SAMHD1: variants seen among roughly 807,000 people sequenced by gnomAD.
SAMHD1 encodes the protein deoxynucleoside triphosphate triphosphohydrolase SAMHD1.
A neutral mutation model predicts 79.6 loss-of-function variants in SAMHD1; 54 were observed. That is an observed-to-expected ratio of 0.68 (90% confidence interval 0.55 to 0.85). SAMHD1 has a LOEUF of 0.85. SAMHD1 is among the 40% of genes least tolerant of loss of function. The probability of loss-of-function intolerance (pLI) is 0.00; values close to 1 mark genes in which losing one functional copy is unlikely to be tolerated. For missense variants in SAMHD1, 663 were observed against 782.7 expected (o/e 0.85, Z 1.82); for synonymous variants, 260 against 264.1 (o/e 0.98, Z 0.15).
At chr20:36,921,392 CAAAAAA>C (rs34384942) in intron 6 of SAMHD1, among the ~76,000 whole-genome samples, 1 of 55,090 alleles carries the variant, frequency 1.8e-5, no homozygotes, top group African/African-American at 7.4e-5. Flanking sequence ...GACTCTGTCT[CAAAAAA>C]AAAAAAAAAA....
chr20:36,912,768 T>TA (rs2063449661), intron 9 of SAMHD1, among the ~76,000 whole-genome samples: 1 of 148,284 alleles, frequency 6.7e-6, no homozygotes, highest in African/African-American at 2.5e-5. Context: ...TTTTTTTTTT[T>TA]TTTTTTTTTA....
At chr20:36,898,910 C>CAA (rs57902699) in intron 13 of SAMHD1, among the ~76,000 whole-genome samples, 19 of 69,344 alleles carry the variant, frequency 2.7e-4, no homozygotes, top group East Asian at 6.3e-4. Flanking sequence ...GACTCTGACT[C>CAA]AAAAAAAAAA....
intron 9 of SAMHD1, among the ~76,000 whole-genome samples, chr20:36,916,022 A>C (rs1027499421): frequency 6.6e-6 from 1 of 151,970 alleles, no homozygotes; most frequent in African/African-American, 2.4e-5. Context: ...TTAGCCGGGC[A>C]TAGTGGCGAG....
chr20:36,945,984 G>A (rs773475087), intron 2 of SAMHD1, among the ~76,000 whole-genome samples: 1 of 151,018 alleles, frequency 6.6e-6, no homozygotes, highest in African/African-American at 2.4e-5. Context: ...TTTGTACAGC[G>A]AAAACAAACA....
At position 36,920,118 on chromosome 20, in the gene SAMHD1, T is replaced by A. The variant is rs78562867; in HGVS notation, c.697-599A>T. 4.0e-4 allele frequency among the ~76,000 whole-genome samples: 61 copies of A among 152,178 alleles called. No individual in the cohort carries two copies. The East Asian group carries it at 0.011, about 28-fold the overall frequency. On this transcript the variant is annotated intron_variant, in intron 6 of 15. Transcript: ENST00000646673. The stretch of plus-strand genomic sequence containing the variant: ...AAACCTGAATTATCCTATAACTATA[T>A]TTTTTTAAAAAAAGAGACAGGGAAT...
chr20:36,946,326 T>A (rs2063686121), intron 2 of SAMHD1: 1 of 162,690 alleles, frequency 6.1e-6, no homozygotes, highest in African/African-American at 2.5e-5. Flanking sequence ...GGCAGGAGAA[T>A]GGCATGAACC....
At chr20:36,912,098 A>G (rs1357776590) in intron 10 of SAMHD1, 1 of 246,570 alleles carries the variant, frequency 4.1e-6, no homozygotes, top group Non-Finnish European at 8.0e-6. Flanking sequence ...CATTAATCTC[A>G]GAATTTAAAT....
chr20:36,942,734 C>T (rs540820744), intron 2 of SAMHD1, among the ~76,000 whole-genome samples: 12 of 152,066 alleles, frequency 7.9e-5, no homozygotes, highest in African/African-American at 2.9e-4. Flanking sequence ...GCAAGCTCCA[C>T]CTCCCGGGTT....
intron 6 of SAMHD1, among the ~76,000 whole-genome samples, chr20:36,926,380 T>C (rs886952048): frequency 6.6e-6 from 1 of 152,128 alleles, no homozygotes; most frequent in Non-Finnish European, 1.5e-5. Context: ...AACAACAAAA[T>C]TCATTTATGT....
At chr20:36,899,257 T>TAAAAAAAAAAAA (rs34443478) in intron 13 of SAMHD1, among the ~76,000 whole-genome samples, 1 of 108,612 alleles carries the variant, frequency 9.2e-6, no homozygotes. Context: ...CCAAAAATAC[T>TAAAAAAAAAAAA]AAAAAAAAAA....
intron 6 of SAMHD1, among the ~76,000 whole-genome samples, chr20:36,920,835 A>AT (rs1428368359): frequency 6.6e-6 from 1 of 151,864 alleles, no homozygotes; most frequent in East Asian, 1.9e-4. Flanking sequence ...TAATCCTAGC[A>AT]TTTTTTTGAG....
chr20:36,923,250 T>G (rs1405572217), intron 6 of SAMHD1, among the ~76,000 whole-genome samples: 1 of 151,946 alleles, frequency 6.6e-6, no homozygotes, highest in Non-Finnish European at 1.5e-5. Flanking sequence ...CCGCCCACCT[T>G]GGCCTCCCAA....
intron 1 of SAMHD1, among the ~76,000 whole-genome samples, chr20:36,950,330 G>GA (rs796220512): frequency 8.5e-4 from 118 of 139,574 alleles, no homozygotes; most frequent in East Asian, 3.1e-3. Context: ...AAAGGGGGAA[G>GA]AAAAAAAAAA....
chr20:36,925,934 C>G (rs977175003), intron 6 of SAMHD1, among the ~76,000 whole-genome samples: 2 of 152,126 alleles, frequency 1.3e-5, no homozygotes, highest in Non-Finnish European at 2.9e-5. Flanking sequence ...AAATACATAT[C>G]TACCATATGA....
intron 9 of SAMHD1, chr20:36,916,504 A>C (rs1439898208): frequency 2.1e-6 from 1 of 483,424 alleles, no homozygotes; most frequent in Non-Finnish European, 3.7e-6. Flanking sequence ...AAAAAACCCC[A>C]AAACCAGTGT....
At chr20:36,928,261 C>A (rs1896505002) in intron 5 of SAMHD1, among the ~76,000 whole-genome samples, 1 of 151,962 alleles carries the variant, frequency 6.6e-6, no homozygotes, top group South Asian at 2.1e-4. Context: ...TGGTGGCGGG[C>A]ACCTGTAGTC....
intron 5 of SAMHD1, among the ~76,000 whole-genome samples, chr20:36,929,675 T>C (rs890073134): frequency 1.3e-5 from 2 of 151,994 alleles, no homozygotes; most frequent in African/African-American, 4.8e-5. Flanking sequence ...TAGTGCCAAC[T>C]GCACTCCAAT....
At chr20:36,916,452 T>C (rs2063476329) in intron 9 of SAMHD1, 1 of 378,692 alleles carries the variant, frequency 2.6e-6, no homozygotes, top group South Asian at 2.4e-5. Context: ...GGCAACACAG[T>C]GAGATCCTAT....
At chr20:36,915,438 G>A (rs1370015009) in intron 9 of SAMHD1, among the ~76,000 whole-genome samples, 1 of 152,128 alleles carries the variant, frequency 6.6e-6, no homozygotes, top group East Asian at 1.9e-4. Context: ...TTTTTGGGAA[G>A]TCAAAAGTTA....
Sources: allele counts gnomAD v4.1 joint callset (sites outside exome capture counted in the v4.1 genomes callset), GRCh38; gene constraint gnomAD v4.1.1; transcripts MANE v1.5; gene names NCBI Gene and HGNC (gene_info 2026-07-23, HGNC 2026-07-21).